ZNF385D: variants seen among roughly 807,000 people sequenced by gnomAD.
ZNF385D encodes zinc finger protein 659.
ZNF385D carries 15 observed loss-of-function variants against 35.8 expected under a neutral mutation model. The observed-to-expected ratio is 0.42, with a 90% CI of 0.28 to 0.64. The LOEUF (loss-of-function observed/expected upper bound fraction) is 0.64, where lower values mean the gene tolerates loss of function less well. Among genes scored for constraint, ZNF385D ranks in the 30% least tolerant of loss-of-function variants. The pLI, the probability that ZNF385D is intolerant of heterozygous loss-of-function variation, is 0.23. For synonymous variants in ZNF385D, 212 were observed against 186.8 expected (o/e 1.13, Z -1.10); for missense variants, 474 against 494.6 (o/e 0.96, Z 0.39).
intron 3 of ZNF385D, among the ~76,000 whole-genome samples, chr3:22,049,492 A>G (rs1699214521): frequency 6.6e-6 from 1 of 151,888 alleles, no homozygotes; most frequent in African/African-American, 2.4e-5. Flanking sequence ...CTTCCTTCCC[A>G]TCGGATGCCT....
At chr3:21,557,995 G>A (rs1353474603) in intron 3 of ZNF385D, among the ~76,000 whole-genome samples, 2 of 151,978 alleles carry the variant, frequency 1.3e-5, no homozygotes, top group African/African-American at 2.4e-5. Flanking sequence ...GATCAGTGGT[G>A]ATACCCCTTT....
intron 3 of ZNF385D, among the ~76,000 whole-genome samples, chr3:21,522,661 G>A (rs906439484): frequency 6.6e-6 from 1 of 152,096 alleles, no homozygotes; most frequent in African/African-American, 2.4e-5. Context: ...CAAAATTGCA[G>A]AACGAAGTGG....
intron 3 of ZNF385D, among the ~76,000 whole-genome samples, chr3:22,064,762 G>T (rs1266739902): frequency 6.6e-6 from 1 of 152,160 alleles, no homozygotes; most frequent in East Asian, 1.9e-4. Flanking sequence ...GTATAATGGT[G>T]GCTGCCAGAG....
At chr3:22,156,309 C>T (rs1229548457) in intron 3 of ZNF385D, among the ~76,000 whole-genome samples, 1 of 152,018 alleles carries the variant, frequency 6.6e-6, no homozygotes, top group Non-Finnish European at 1.5e-5. Context: ...CACTCTTTTA[C>T]AATGAAGTCC....
At chr3:22,277,003 C>T (rs183401908) in intron 2 of ZNF385D, among the ~76,000 whole-genome samples, 1 of 152,060 alleles carries the variant, frequency 6.6e-6, no homozygotes, top group Non-Finnish European at 1.5e-5. Context: ...AAAACACAAG[C>T]AGTAGTTATA....
At chr3:22,301,902 T>C (rs1384831101) in intron 2 of ZNF385D, among the ~76,000 whole-genome samples, 1 of 152,238 alleles carries the variant, frequency 6.6e-6, no homozygotes. Context: ...CTTTGTAGTA[T>C]ATTGTGGTTT....
intron 3 of ZNF385D, among the ~76,000 whole-genome samples, chr3:21,825,138 C>T (rs1694516833): frequency 6.6e-6 from 1 of 152,042 alleles, no homozygotes; most frequent in African/African-American, 2.4e-5. Flanking sequence ...TTTCTCACGC[C>T]AATATTTTAG....
At chr3:21,684,057 G>C (rs1438354648) in intron 1 of ZNF385D, among the ~76,000 whole-genome samples, 1 of 149,796 alleles carries the variant, frequency 6.7e-6, no homozygotes, top group Non-Finnish European at 1.5e-5. Context: ...TAATTACGCA[G>C]AAATAGAACT....
intron 3 of ZNF385D, among the ~76,000 whole-genome samples, chr3:22,072,098 T>C (rs765058067): frequency 6.6e-6 from 1 of 152,094 alleles, no homozygotes; most frequent in Non-Finnish European, 1.5e-5. Flanking sequence ...TTAGTAACTA[T>C]GATGAAATTA....
At chr3:21,555,821 T>C (rs927957053) in intron 3 of ZNF385D, among the ~76,000 whole-genome samples, 3 of 152,318 alleles carry the variant, frequency 2.0e-5, no homozygotes, top group African/African-American at 7.2e-5. Context: ...TAATTTACAC[T>C]TGCACCAACA....
At chr3:22,049,056 C>G (rs80259150) in intron 3 of ZNF385D, among the ~76,000 whole-genome samples, 17,926 of 151,842 alleles carry the variant, frequency 0.12, 1,379 homozygotes, top group African/African-American at 0.21. Context: ...CAGCACTGTG[C>G]GAGGCCTATG....
chr3:21,715,106 AAAATTTATATACATTTATGGGGTAC>A (rs1257153892), intron 1 of ZNF385D, among the ~76,000 whole-genome samples: 1 of 151,984 alleles, frequency 6.6e-6, no homozygotes, highest in Non-Finnish European at 1.5e-5. Context: ...ATGTACTTCT[AAAATTTATATACATTTATGGGGTAC>A]AAGCGCAATT....
At chr3:22,331,338 A>G (rs1366377584) in intron 2 of ZNF385D, among the ~76,000 whole-genome samples, 2 of 152,196 alleles carry the variant, frequency 1.3e-5, no homozygotes, top group Non-Finnish European at 2.9e-5. Context: ...AAACTTAAAA[A>G]CATCTTTATA....
intron 3 of ZNF385D, among the ~76,000 whole-genome samples, chr3:22,110,626 C>G (rs1702470497): frequency 6.6e-6 from 1 of 151,182 alleles, no homozygotes; most frequent in Admixed American, 6.6e-5. Flanking sequence ...CATCACACTC[C>G]AGGGCCTGTT....
chr3:21,654,442 G>A (rs555839734), intron 2 of ZNF385D, among the ~76,000 whole-genome samples: 9 of 151,970 alleles, frequency 5.9e-5, no homozygotes, highest in African/African-American at 1.9e-4. Flanking sequence ...GAGAAATTAC[G>A]TAGCGCTAAA....
intron 3 of ZNF385D, among the ~76,000 whole-genome samples, chr3:21,976,916 A>T: frequency 6.6e-6 from 1 of 152,170 alleles, no homozygotes. Context: ...TGAACCTGGG[A>T]GGCGGAGGTT....
intron 3 of ZNF385D, among the ~76,000 whole-genome samples, chr3:21,849,033 C>G (rs1173479675): frequency 6.6e-6 from 1 of 152,062 alleles, no homozygotes; most frequent in Non-Finnish European, 1.5e-5. Flanking sequence ...AGCACTACTT[C>G]TACGTGGTCA....
chr3:21,756,839 C>T (rs2070360518), intron 3 of ZNF385D, among the ~76,000 whole-genome samples: 1 of 152,158 alleles, frequency 6.6e-6, no homozygotes, highest in African/African-American at 2.4e-5. Flanking sequence ...AATAAATAAG[C>T]TGTCCATACG....
chr3:22,264,012 T>C (rs758764180), intron 2 of ZNF385D, among the ~76,000 whole-genome samples: 9 of 152,120 alleles, frequency 5.9e-5, no homozygotes, highest in South Asian at 2.1e-4. Flanking sequence ...CTAGCTGTCA[T>C]AACTGTAGTC....
Sources: allele counts gnomAD v4.1 joint callset (sites outside exome capture counted in the v4.1 genomes callset), GRCh38; gene constraint gnomAD v4.1.1; transcripts MANE v1.5; gene names NCBI Gene and HGNC (gene_info 2026-07-23, HGNC 2026-07-21).